The following CNTN5 variants were observed in gnomAD, a reference collection of about 807,000 sequenced individuals.
CNTN5 encodes contactin 5.
In CNTN5, 77 loss-of-function variants were observed where a neutral mutation model predicts 129.1. That is an observed-to-expected ratio of 0.60 (90% CI 0.50 to 0.72). The LOEUF is 0.72. CNTN5 is among the 30% of genes least tolerant of loss of function. The pLI, the probability that CNTN5 is intolerant of heterozygous loss-of-function variation, is 0.00. For missense variants in CNTN5, 1,478 were observed against 1,328.8 expected (o/e 1.11, Z -1.75); for synonymous variants, 509 against 465.6 (o/e 1.09, Z -1.20).
intron 13 of CNTN5, among the ~76,000 whole-genome samples, chr11:100,172,249 C>T (rs1314560106): frequency 6.6e-6 from 1 of 151,276 alleles, no homozygotes; most frequent in Non-Finnish European, 1.5e-5. Flanking sequence ...CCAGAGATCT[C>T]ATCATGAACC....
chr11:99,902,240 G>A (rs924366295), intron 6 of CNTN5, among the ~76,000 whole-genome samples: 30 of 90,784 alleles, frequency 3.3e-4, no homozygotes. Context: ...GCAAGCTAAG[G>A]AGTTTTTTTT....
At chr11:99,736,995 C>T (rs1943731701) in intron 3 of CNTN5, among the ~76,000 whole-genome samples, 2 of 152,138 alleles carry the variant, frequency 1.3e-5, no homozygotes, top group African/African-American at 4.8e-5. Flanking sequence ...TTCCCAAGCA[C>T]AGTGAACTTA....
At chr11:99,133,858 A>C (rs1216611856) in intron 1 of CNTN5, among the ~76,000 whole-genome samples, 1 of 152,164 alleles carries the variant, frequency 6.6e-6, no homozygotes, top group Non-Finnish European at 1.5e-5. Flanking sequence ...GTGATTCCTC[A>C]AATATTTAGA....
chr11:99,846,822 A>T (rs1271418253), intron 6 of CNTN5, among the ~76,000 whole-genome samples: 1 of 152,192 alleles, frequency 6.6e-6, no homozygotes, highest in East Asian at 1.9e-4. Context: ...TCCTAGAAAA[A>T]TGTAAATATC....
At chr11:99,411,745 A>C (rs554378307) in intron 2 of CNTN5, among the ~76,000 whole-genome samples, 1 of 152,300 alleles carries the variant, frequency 6.6e-6, no homozygotes, top group African/African-American at 2.4e-5. Flanking sequence ...CTGGATTATC[A>C]GACAAGGATT....
At chr11:99,439,660 A>G (rs1269839100) in intron 2 of CNTN5, among the ~76,000 whole-genome samples, 1 of 135,700 alleles carries the variant, frequency 7.4e-6, no homozygotes, top group Non-Finnish European at 1.5e-5. Context: ...GTGAGCCAAG[A>G]TTGCGCCACT....
chr11:100,059,079 G>A (rs759603966), intron 9 of CNTN5, among the ~76,000 whole-genome samples: 4 of 152,066 alleles, frequency 2.6e-5, no homozygotes, highest in Non-Finnish European at 5.9e-5. Context: ...ATAAATCAGT[G>A]GAACAGAATT....
chr11:99,426,039 C>T (rs990131926), intron 2 of CNTN5, among the ~76,000 whole-genome samples: 2 of 152,128 alleles, frequency 1.3e-5, no homozygotes, highest in African/African-American at 4.8e-5. Context: ...TCACAGGAAC[C>T]TCATACAATT....
intron 3 of CNTN5, among the ~76,000 whole-genome samples, chr11:99,708,169 C>A (rs1954831789): frequency 6.6e-6 from 1 of 151,648 alleles, no homozygotes; most frequent in African/African-American, 2.4e-5. Flanking sequence ...GTATAAAATT[C>A]ACATTTTTCC....
intron 21 of CNTN5, 57 bp downstream of exon 21, chr11:100,308,525 C>T: frequency 1.3e-6 from 2 of 1,529,052 alleles, no homozygotes; most frequent in African/African-American, 1.4e-5. Flanking sequence ...TCACATTCTC[C>T]TAAAGAGAGG....
At chr11:99,514,975 T>A (rs988426300) in intron 2 of CNTN5, among the ~76,000 whole-genome samples, 5 of 152,050 alleles carry the variant, frequency 3.3e-5, no homozygotes, top group Non-Finnish European at 5.9e-5. Context: ...ATCTCATAGC[T>A]TTTTAAAAAA....
chr11:100,133,354 G>A (rs1461556454), intron 13 of CNTN5, among the ~76,000 whole-genome samples: 1 of 152,060 alleles, frequency 6.6e-6, no homozygotes, highest in Non-Finnish European at 1.5e-5. Flanking sequence ...TGGCTAATGG[G>A]ATTCATTTTG....
intron 9 of CNTN5, among the ~76,000 whole-genome samples, chr11:100,011,980 A>T (rs1470978212): frequency 1.3e-5 from 2 of 152,116 alleles, no homozygotes; most frequent in Non-Finnish European, 2.9e-5. Flanking sequence ...AATACTGTTT[A>T]TTTGGAGCTG....
intron 13 of CNTN5, among the ~76,000 whole-genome samples, chr11:100,079,220 C>G (rs970631360): frequency 2.0e-5 from 3 of 152,040 alleles, no homozygotes; most frequent in Non-Finnish European, 2.9e-5. Flanking sequence ...AAAGCCTAAC[C>G]GTATTAATAT....
intron 13 of CNTN5, among the ~76,000 whole-genome samples, chr11:100,157,554 C>T (rs1346869709): frequency 6.6e-6 from 1 of 150,942 alleles, no homozygotes; most frequent in Non-Finnish European, 1.5e-5. Context: ...TAGTATTGGT[C>T]ATGTATATTT....
At chr11:99,479,202 G>A (rs904685957) in intron 2 of CNTN5, among the ~76,000 whole-genome samples, 7 of 151,258 alleles carry the variant, frequency 4.6e-5, no homozygotes, top group African/African-American at 1.7e-4. Flanking sequence ...GTTTAAGACT[G>A]TGAATATTGA....
At chr11:99,666,570 A>G (rs957166984) in intron 3 of CNTN5, among the ~76,000 whole-genome samples, 1 of 152,216 alleles carries the variant, frequency 6.6e-6, no homozygotes, top group African/African-American at 2.4e-5. Flanking sequence ...TCATGCTACC[A>G]CAATAGCACA....
chr11:99,317,223 C>T (rs1392702652), intron 1 of CNTN5, among the ~76,000 whole-genome samples: 1 of 152,096 alleles, frequency 6.6e-6, no homozygotes, highest in East Asian at 1.9e-4. Context: ...GCTGGGAGTT[C>T]ATGGTTTTAT....
chr11:99,220,590 A>G (rs1325880265), intron 1 of CNTN5, among the ~76,000 whole-genome samples: 2 of 151,968 alleles, frequency 1.3e-5, no homozygotes, highest in African/African-American at 4.8e-5. Context: ...AAGTCATTAC[A>G]AAAGTTATAT....
Sources: gnomAD v4.1 joint callset for allele counts (sites outside exome capture counted in the v4.1 genomes callset) on GRCh38, gnomAD v4.1.1 for gene constraint, MANE v1.5 for transcripts, NCBI Gene and HGNC (gene_info 2026-07-23, HGNC 2026-07-21) for gene names.